Variants in MAP7D1 observed in about 807,000 individuals in gnomAD.
MAP7D1 encodes the protein MAP7 domain-containing protein 1.
A neutral mutation model predicts 97.5 loss-of-function variants in MAP7D1; 30 were observed. The observed-to-expected ratio is 0.31, with a 90% confidence interval of 0.23 to 0.42. The LOEUF (loss-of-function observed/expected upper bound fraction) is 0.42, where lower values mean the gene tolerates loss of function less well. MAP7D1 is among the 10% of genes least tolerant of loss of function. MAP7D1 has a pLI of 1.00. For missense variants in MAP7D1, 1,184 were observed against 1,179.5 expected (o/e 1.00, Z -0.06); for synonymous variants, 536 against 477.1 (o/e 1.12, Z -1.61).
intron 1 of MAP7D1, among the ~76,000 whole-genome samples, chr1:36,158,721 G>A (rs1644369683): frequency 6.6e-6 from 1 of 152,192 alleles, no homozygotes; most frequent in South Asian, 2.1e-4. Flanking sequence ...TACCATTATT[G>A]TGGTTATGCT....
Position 36,180,032 on chromosome 1 carries a change from T to A in MAP7D1, c.2477T>A (p.Leu826His). The A allele has an allele frequency of 6.2e-7, 1 of 1,614,092 alleles. No individual in the cohort carries two copies. The highest frequency in any genetic ancestry group is 1.1e-5 in the South Asian group (1 of 91,076). The change falls in exon 16 of 17, where the codon CTC (leucine) becomes CAC (histidine). Residue 826 changes from leucine (L) to histidine (H), a missense_variant. By Grantham distance (99) the Leu-to-His change is moderately conservative. Transcript: ENST00000474796. ...CCCTTTGCAGAGGCAGAAGCCTTCC[T>A]CAAGAAAGCTGTGGTGCAGTCCCCG... ...LLPFAEAEAF[L>H]KKAVVQSPQV...
intron 1 of MAP7D1, among the ~76,000 whole-genome samples, chr1:36,169,042 G>A (rs374547696): frequency 5.9e-5 from 9 of 151,888 alleles, no homozygotes; most frequent in East Asian, 5.8e-4. Context: ...ACCTGAAGTC[G>A]GGAGTTCGAG....
In MAP7D1 at chr1:36,173,434, C is replaced by T. The variant is rs1039318432; in HGVS notation, c.695C>T (p.Ser232Phe). The T allele has an allele frequency of 6.2e-7, 1 of 1,613,960 alleles. No homozygotes were observed. Among genetic ancestry groups the T allele is most frequent in the African/African-American group, 1.3e-5 (1 of 74,948 alleles). The part of the protein sequence containing the change: ...TWAEIRQQRW[S>F]WAGALHHSSP... ...GCCGAAATCCGGCAGCAGCGCTGGT[C>T]CTGGGCAGGGGCCCTGCACCACAGC... Residue 232 changes from serine to phenylalanine, a missense_variant, in exon 5 of 17, where the codon TCC (serine) becomes TTC (phenylalanine). Ser to Phe is a radical substitution (Grantham distance 155, BLOSUM62 -2). Coordinates refer to ENST00000474796, the MANE Select transcript of MAP7D1 (RefSeq NM_001388490.1).
chr1:36,163,991 A>C (rs934018419), intron 1 of MAP7D1, among the ~76,000 whole-genome samples: 1 of 151,760 alleles, frequency 6.6e-6, no homozygotes, highest in Non-Finnish European at 1.5e-5. Flanking sequence ...CGCCCAGCTA[A>C]TTTTTGTAGT....
At chr1:36,163,445 T>A (rs1644437061) in intron 1 of MAP7D1, among the ~76,000 whole-genome samples, 3 of 152,228 alleles carry the variant, frequency 2.0e-5, no homozygotes, top group Admixed American at 2.0e-4. Context: ...TGGTTAAAAA[T>A]GAGAATGATC....
rs1385318585 is a variant in MAP7D1 at position 36,176,520 on chromosome 1, G to T, written c.1172G>T (p.Arg391Leu). ...GCCCCCGCCGGTGAGCGCGGGGAGC[G>T]CCGCAAGCCCAACGCCGGGGGCAGC... ...RCAPAGERGE[R>L]RKPNAGGSPA... Residue 391 changes from arginine to leucine, a missense_variant, in exon 7 of 17, where the codon CGC becomes CTC. Coordinates refer to ENST00000474796, the MANE Select transcript of MAP7D1 (RefSeq NM_001388490.1). The surrounding 1 kb of genome is among the most constrained non-coding windows in gnomAD (Gnocchi z 6.1). The T allele has an allele frequency of 7.3e-7, 1 of 1,373,140 alleles. No individual in the cohort carries two copies. 85.1% of individuals were successfully genotyped at this position (1,373,140 alleles called of 1,614,324 possible).
At chr1:36,180,098 A>G in intron 16 of MAP7D1, 31 bp downstream of exon 16, 1 of 1,611,968 alleles carries the variant, frequency 6.2e-7, no homozygotes, top group Non-Finnish European at 8.5e-7. Flanking sequence ...ACCCAGCTCC[A>G]TTCCTCCCAG....
chr1:36,178,757 G>A lies in MAP7D1; in HGVS notation c.1959G>A (p.Arg653=), dbSNP rs1414890422. The change falls in exon 11 of 17, where the codon CGG becomes CGA. Residue 653 remains arginine, a synonymous_variant. Coordinates refer to ENST00000474796, the MANE Select transcript of MAP7D1 (RefSeq NM_001388490.1). ...RAEREAEARR[R]EEQEAREKAQ... ...AGCGGGAGGCGGAGGCCCGGAGGCG[G>A]GAGGAGCAGGAGGCACGAGAGAAGG... 3.9e-6 allele frequency: 6 copies of A among 1,545,764 alleles called. No homozygotes were observed. The highest frequency in any genetic ancestry group is 2.0e-5 in the Admixed American group (1 of 50,004).
Position 36,159,597 on chromosome 1 carries a change from C to T in MAP7D1, c.46+3134C>T, listed in dbSNP as rs957137583. ...ATCCAGCACACCCATGCTGATGCCC[C>T]ACCTTATGCCAGCTCGGTGTAGTCT... is the stretch of plus-strand genomic sequence containing the variant. On this transcript the variant is annotated intron_variant, in intron 1 of 16. Coordinates refer to ENST00000474796, the MANE Select transcript of MAP7D1 (RefSeq NM_001388490.1). The surrounding 1 kb of genome is among the most constrained non-coding windows in gnomAD (Gnocchi z 5.4). Among the ~76,000 whole-genome samples, 1 of 152,150 alleles carries T rather than the reference C, an allele frequency of 6.6e-6. No homozygotes were observed. The highest frequency in any genetic ancestry group is 2.4e-5 in the African/African-American group (1 of 41,426).
rs1267438907 is a variant in MAP7D1, at chr1:36,178,121, C to G, written c.1628C>G (p.Ala543Gly). Residue 543 changes from alanine to glycine, a missense_variant, in exon 9 of 17, where the codon GCC (alanine) becomes GGC (glycine). Physicochemically the swap from Ala to Gly is moderately conservative, Grantham distance 60 (BLOSUM62 0). Coordinates refer to ENST00000474796, the MANE Select transcript of MAP7D1 (RefSeq NM_001388490.1). ...AACGAGAAGGAGTCAGCAGCCCCAG[C>G]CTCACCGGCACCTTCGCCGGCGCCC... Reference protein sequence around the residue: ...ASNEKESAAPASPAPSPAPSP... With the variant: ...ASNEKESAAPGSPAPSPAPSP... 1 of 1,594,370 alleles carries G rather than the reference C, an allele frequency of 6.3e-7. No homozygotes were observed. Among genetic ancestry groups the G allele is most frequent in the Non-Finnish European group, 8.5e-7 (1 of 1,171,434 alleles).
rs766136899 is a variant in MAP7D1 at position 36,174,971 on chromosome 1, A to G, written c.813A>G (p.Ser271=). 3.5e-5 allele frequency: 56 copies of G among 1,613,828 alleles called. No individual in the cohort carries two copies. Among genetic ancestry groups the G allele is most frequent in the Non-Finnish European group, 4.0e-5 (47 of 1,179,866 alleles). ...HVDSIINKRL[S]KSSATLWNSP... Reference sequence around the variant, plus strand: ...ACTCTATAATCAACAAGCGGCTCTCAAAGTCCTCTGCCACGCTCTGGAACT... The same window carrying G: ...ACTCTATAATCAACAAGCGGCTCTCGAAGTCCTCTGCCACGCTCTGGAACT... Residue 271 remains serine, a synonymous_variant, in exon 6 of 17, where the codon TCA becomes TCG. Coordinates refer to ENST00000474796, the MANE Select transcript of MAP7D1 (RefSeq NM_001388490.1).
chr1:36,160,605 C>CA (rs1278118250), intron 1 of MAP7D1, among the ~76,000 whole-genome samples: 2 of 152,228 alleles, frequency 1.3e-5, no homozygotes, highest in Non-Finnish European at 2.9e-5. Flanking sequence ...TACCTAAAGT[C>CA]ACACAGCTAG....
rs1305393378 is a variant in MAP7D1, at chr1:36,176,754, C to T, written c.1291C>T (p.Leu431=). 6.2e-7 allele frequency: 1 copy of T among 1,604,234 alleles called. No individual in the cohort carries two copies. Among genetic ancestry groups the T allele is most frequent in the Non-Finnish European group, 8.5e-7 (1 of 1,176,118 alleles). Residue 431 remains leucine (L), a synonymous_variant, in exon 8 of 17, where the codon CTA becomes TTA. Coordinates refer to ENST00000474796, the MANE Select transcript of MAP7D1 (RefSeq NM_001388490.1). The surrounding 1 kb of genome is among the most constrained non-coding windows in gnomAD (Gnocchi z 6.1). ...GGAAAACGAGAAGGAGAAGAGTGCCCTAGCCCGGGAGCGCAGCCTCAAGAA... is the reference window on the plus strand; with the variant it reads ...GGAAAACGAGAAGGAGAAGAGTGCCTTAGCCCGGGAGCGCAGCCTCAAGAA... ...ERENEKEKSA[L]ARERSLKKRQ... is the part of the protein sequence containing the mutation.
Position 36,178,904 on chromosome 1 carries a change from A to T in MAP7D1, c.2026-17A>T, listed in dbSNP as rs1644672518. ...GGCTGGAGTCAAGTGCCCCACGCTC[A>T]TGGGGGTCTTTGGCAGAAAGAGGAG... On this transcript the variant is annotated splice_polypyrimidine_tract_variant and intron_variant, in intron 11 of 16. Transcript: ENST00000474796. 1 of 1,551,674 alleles carries T rather than the reference A, an allele frequency of 6.4e-7. No homozygotes were observed. The highest frequency in any genetic ancestry group is 8.7e-7 in the Non-Finnish European group (1 of 1,147,292).
chr1:36,169,252 GA>G (rs35202518), intron 1 of MAP7D1, among the ~76,000 whole-genome samples: 250 of 112,226 alleles, frequency 2.2e-3, no homozygotes, highest in Middle Eastern at 5.3e-3. Context: ...GCTCTGTCTT[GA>G]AAAAAAAAAA....
rs756186203 is a variant in MAP7D1 at position 36,159,630 on chromosome 1, C to T, written c.46+3167C>T. ...GCCAGCTCGGTGTAGTCTATGTGGACGGCAGAGAAGTGAATCAGACGGAGT... is the reference window on the plus strand; with the variant it reads ...GCCAGCTCGGTGTAGTCTATGTGGATGGCAGAGAAGTGAATCAGACGGAGT... On this transcript the variant is annotated intron_variant, in intron 1 of 16. Coordinates refer to ENST00000474796, the MANE Select transcript of MAP7D1 (RefSeq NM_001388490.1). The surrounding 1 kb of genome is among the most constrained non-coding windows in gnomAD (Gnocchi z 5.4). Among the ~76,000 whole-genome samples, 6 of 152,204 alleles carry T rather than the reference C, an allele frequency of 3.9e-5. No individual in the cohort carries two copies. Among genetic ancestry groups the T allele is most frequent in the Middle Eastern group, 3.4e-3 (1 of 294 alleles).
In MAP7D1 at chr1:36,178,786, A is replaced by C; in HGVS notation, c.1988A>C (p.Gln663Pro). The C allele has an allele frequency of 6.5e-7, 1 of 1,547,438 alleles. No homozygotes were observed. The highest frequency in any genetic ancestry group is 1.2e-5 in the South Asian group (1 of 83,870). ...REEQEAREKA[Q>P]AEQEEQERLQ... is the part of the protein sequence containing the mutation. ...GAGCAGGAGGCACGAGAGAAGGCGC[A>C]GGCCGAGCAGGAGGAGCAGGAGCGG... Residue 663 changes from glutamine (Q) to proline (P), a missense_variant, in exon 11 of 17, where the codon CAG becomes CCG. Gln to Pro is a moderately conservative substitution (Grantham distance 76). Coordinates refer to ENST00000474796, the MANE Select transcript of MAP7D1 (RefSeq NM_001388490.1).
rs968692016 is a variant in MAP7D1, at chr1:36,159,614, G to A, written c.46+3151G>A. On this transcript the variant is annotated intron_variant, in intron 1 of 16. Transcript: ENST00000474796. This position sits in a 1 kb window ranked among gnomAD's most constrained non-coding sequence, Gnocchi z 5.4. ...TGATGCCCCACCTTATGCCAGCTCG[G>A]TGTAGTCTATGTGGACGGCAGAGAA... is the stretch of plus-strand genomic sequence containing the variant. Among the ~76,000 whole-genome samples the A allele has an allele frequency of 1.3e-5, 2 of 152,334 alleles. No homozygotes were observed. Among genetic ancestry groups the A allele is most frequent in the Admixed American group, 6.5e-5 (1 of 15,298 alleles).
At chr1:36,167,742 GT>G (rs1304327220) in intron 1 of MAP7D1, among the ~76,000 whole-genome samples, 1 of 128,508 alleles carries the variant, frequency 7.8e-6, no homozygotes, top group African/African-American at 2.6e-5. Flanking sequence ...CTGGGTGCAG[GT>G]TCTTCCAAGC....
Sources: allele counts gnomAD v4.1 joint callset (sites outside exome capture counted in the v4.1 genomes callset), GRCh38; gene constraint gnomAD v4.1.1; non-coding constraint Gnocchi (gnomAD v3.1); transcripts MANE v1.5; gene names NCBI Gene and HGNC (gene_info 2026-07-23, HGNC 2026-07-21).